The following RNF144A variants were observed in gnomAD, a reference collection of about 807,000 sequenced individuals.
RNF144A encodes E3 ubiquitin-protein ligase RNF144A.
A neutral mutation model predicts 38.7 loss-of-function variants in RNF144A; 11 were observed. The observed-to-expected ratio is 0.28, with a 90% CI of 0.18 to 0.47. The LOEUF (loss-of-function observed/expected upper bound fraction) is 0.47, where lower values mean the gene tolerates loss of function less well. RNF144A is among the 20% of genes least tolerant of loss of function. RNF144A has a pLI of 0.99. For missense variants in RNF144A, 316 were observed against 377.2 expected, an observed-to-expected ratio of 0.84 and a Z score of 1.34; for synonymous variants, 149 against 143.9, an observed-to-expected ratio of 1.04 and a Z score of -0.25.
chr2:7,045,413 C>G (rs78765822), downstream of RNF144A, among the ~76,000 whole-genome samples: 1 of 152,236 alleles, frequency 6.6e-6, no homozygotes, highest in South Asian at 2.1e-4. Context: ...CTTCTGAGAG[C>G]GGTAAGGAGG....
At chr2:7,050,879 A>G (rs1046992295) in intron 6 of RNF144A, among the ~76,000 whole-genome samples, 17 of 152,146 alleles carry the variant, frequency 1.1e-4, no homozygotes, top group African/African-American at 4.1e-4. Context: ...TGTCAGGACC[A>G]CTCAGACCCC....
At chr2:6,955,049 A>C (rs766861964) in intron 2 of RNF144A, among the ~76,000 whole-genome samples, 3 of 152,230 alleles carry the variant, frequency 2.0e-5, no homozygotes, top group Admixed American at 2.0e-4. Flanking sequence ...GGATTTCATC[A>C]TGAAACATGT....
At chr2:6,938,309 G>A (rs200118124) in intron 1 of RNF144A, among the ~76,000 whole-genome samples, 1 of 140,428 alleles carries the variant, frequency 7.1e-6, no homozygotes, top group African/African-American at 2.7e-5. Flanking sequence ...GTGCAACAGC[G>A]TGATCTTGGC....
intron 2 of RNF144A, among the ~76,000 whole-genome samples, chr2:6,961,563 G>A (rs1667340885): frequency 1.3e-5 from 2 of 152,162 alleles, no homozygotes; most frequent in Non-Finnish European, 2.9e-5. Context: ...TGCATCCTAA[G>A]GACATAATTT....
At chr2:7,033,061 C>T (rs945572547) in intron 8 of RNF144A, among the ~76,000 whole-genome samples, 3 of 152,230 alleles carry the variant, frequency 2.0e-5, no homozygotes, top group Non-Finnish European at 4.4e-5. Context: ...AAACCATTGC[C>T]CAACTCTGGC....
In RNF144A at chr2:7,030,208, G is replaced by A. The variant is rs781344349; in HGVS notation, c.740G>A (p.Arg247Gln). ...TCCCGGGCATCTGTGATCTGGCATC[G>A]GACACAGGTAGGAGGTGATTTGCCT... ...GHSRASVIWHRTQVVGIFAGF... is the reference protein window; with the variant it reads ...GHSRASVIWHQTQVVGIFAGF... Residue 247 changes from arginine to glutamine, a missense_variant, in exon 8 of 9, where the codon CGG becomes CAG. By Grantham distance (43) the Arg-to-Gln change is conservative (BLOSUM62 1). Coordinates refer to ENST00000320892, the MANE Select transcript of RNF144A (RefSeq NM_014746.6). The A allele has an allele frequency of 5.6e-6, 9 of 1,609,696 alleles. No individual in the cohort carries two copies. Among genetic ancestry groups the A allele is most frequent in the Admixed American group, 3.3e-5 (2 of 59,860 alleles).
intron 2 of RNF144A, among the ~76,000 whole-genome samples, chr2:6,966,328 A>G (rs1667665926): frequency 6.6e-6 from 1 of 152,288 alleles, no homozygotes; most frequent in Non-Finnish European, 1.5e-5. Flanking sequence ...CAGAAACAGT[A>G]GCAACACGAA....
intron 3 of RNF144A, among the ~76,000 whole-genome samples, chr2:6,998,297 AC>A (rs1490906131): frequency 5.9e-5 from 9 of 152,280 alleles, no homozygotes; most frequent in Admixed American, 5.9e-4. Context: ...CCCACCCTGT[AC>A]ACTGATGCAT....
At chr2:6,924,499 G>A (rs188243662) in intron 1 of RNF144A, among the ~76,000 whole-genome samples, 10 of 152,242 alleles carry the variant, frequency 6.6e-5, no homozygotes, top group Non-Finnish European at 1.3e-4. Context: ...GAGCTGGGGA[G>A]TGTAGAGAAG....
chr2:6,955,264 A>G (rs1666929386), intron 2 of RNF144A, among the ~76,000 whole-genome samples: 1 of 152,186 alleles, frequency 6.6e-6, no homozygotes, highest in Non-Finnish European at 1.5e-5. Context: ...AGTCTTATGG[A>G]AGCCTAATGT....
chr2:7,063,135 A>G (rs1342938079), intron 6 of RNF144A, among the ~76,000 whole-genome samples: 1 of 152,252 alleles, frequency 6.6e-6, no homozygotes, highest in African/African-American at 2.4e-5. Flanking sequence ...AATCCAGGTA[A>G]GAAATTATGA....
chr2:7,060,427 C>T (rs1673907607), intron 6 of RNF144A, among the ~76,000 whole-genome samples: 1 of 152,180 alleles, frequency 6.6e-6, no homozygotes, highest in Non-Finnish European at 1.5e-5. Context: ...TTCAGGCACA[C>T]GATGACCTGC....
chr2:7,051,295 A>G (rs1165388828), intron 6 of RNF144A, among the ~76,000 whole-genome samples: 1 of 152,156 alleles, frequency 6.6e-6, no homozygotes, highest in East Asian at 1.9e-4. Context: ...TTCAGTGCAG[A>G]GCTGAGCTCC....
chr2:7,050,468 A>G (rs1183698781), intron 6 of RNF144A, among the ~76,000 whole-genome samples: 1 of 152,158 alleles, frequency 6.6e-6, no homozygotes, highest in Non-Finnish European at 1.5e-5. Context: ...CTTTATTAGC[A>G]GAGTGAGAAC....
At chr2:7,060,354 G>A (rs1673904756) in intron 6 of RNF144A, among the ~76,000 whole-genome samples, 1 of 152,096 alleles carries the variant, frequency 6.6e-6, no homozygotes, top group South Asian at 2.1e-4. Flanking sequence ...AGAGGGGCAG[G>A]AAAGAGAGCA....
chr2:7,059,762 CA>C (rs1673881645), intron 6 of RNF144A, among the ~76,000 whole-genome samples: 1 of 152,194 alleles, frequency 6.6e-6, no homozygotes, highest in South Asian at 2.1e-4. Context: ...CTTTCCTTCT[CA>C]GTGCTTTGGT....
At position 6,944,318 on chromosome 2, in the gene RNF144A, C is replaced by T. The variant is rs1666200771; in HGVS notation, c.-12+3171C>T. Among the ~76,000 whole-genome samples, 1 of 152,106 alleles carries T rather than the reference C, an allele frequency of 6.6e-6. No homozygotes were observed. The highest frequency in any genetic ancestry group is 1.5e-5 in the Non-Finnish European group (1 of 68,028). ...GTGCTGCAAGTTCCAGTGTTCCTCC[C>T]AAAGGCTCGGCTTCTCAGTCATCCT... On this transcript the variant is annotated intron_variant, in intron 2 of 8. Coordinates refer to ENST00000320892, the MANE Select transcript of RNF144A (RefSeq NM_014746.6). This position sits in a 1 kb window ranked among gnomAD's most constrained non-coding sequence, Gnocchi z 4.7.
chr2:7,023,971 TA>T (rs1351172007), intron 6 of RNF144A, among the ~76,000 whole-genome samples: 2 of 152,220 alleles, frequency 1.3e-5, no homozygotes, highest in African/African-American at 4.8e-5. Flanking sequence ...GCAAAGTACA[TA>T]AAATTTATAT....
intron 6 of RNF144A, among the ~76,000 whole-genome samples, chr2:7,064,219 A>G (rs1674103696): frequency 6.6e-6 from 1 of 152,182 alleles, no homozygotes; most frequent in Admixed American, 6.5e-5. Context: ...CTGTGCATGA[A>G]CTTTTGGAAG....
Sources: allele counts gnomAD v4.1 joint callset (sites outside exome capture counted in the v4.1 genomes callset), GRCh38; gene constraint gnomAD v4.1.1; non-coding constraint Gnocchi (gnomAD v3.1); transcripts MANE v1.5; gene names NCBI Gene and HGNC (gene_info 2026-07-23, HGNC 2026-07-21).